ARHGAP32: variants seen among roughly 807,000 people sequenced by gnomAD.
ARHGAP32 encodes the protein rho GTPase-activating protein 32.
ARHGAP32 carries 51 observed loss-of-function variants against 186.5 expected under a neutral mutation model. The observed-to-expected ratio is 0.27, with a 90% CI of 0.22 to 0.35. The LOEUF is 0.35. ARHGAP32 is among the 10% of genes least tolerant of loss of function. The pLI is 1.00. For missense variants in ARHGAP32, 2,186 were observed against 2,623.5 expected, an observed-to-expected ratio of 0.83 and a Z score of 3.64; for synonymous variants, 950 against 964.3, an observed-to-expected ratio of 0.99 and a Z score of 0.27.
rs181861661 is a variant in ARHGAP32, at chr11:129,142,366, G to A, written c.226-17472C>T. ...TAGGATGTCCCAACTCCAGATCTAT[G>A]ACATTAATTACTGAACAGTACAGAC... On this transcript the variant is annotated intron_variant, in intron 2 of 22. Coordinates refer to ENST00000682385, the MANE Select transcript of ARHGAP32 (RefSeq NM_001378024.1). Among the ~76,000 whole-genome samples the A allele has an allele frequency of 2.8e-3, 426 of 152,228 alleles. 5 individuals carry two copies. Among genetic ancestry groups the A allele is most frequent in the African/African-American group, 9.8e-3 (405 of 41,536 alleles).
intron 1 of ARHGAP32, among the ~76,000 whole-genome samples, chr11:129,251,294 G>A (rs1945179373): frequency 6.6e-6 from 1 of 152,098 alleles, no homozygotes; most frequent in African/African-American, 2.4e-5. Context: ...TATGAAATAC[G>A]ATTCTAACTA....
intron 11 of ARHGAP32, among the ~76,000 whole-genome samples, chr11:128,999,090 C>T (rs1044493579): frequency 3.9e-5 from 6 of 152,114 alleles, no homozygotes; most frequent in African/African-American, 9.7e-5. Context: ...CCTGTGGGGC[C>T]GGGCAGAACA....
chr11:129,059,942 A>G (rs924373353), intron 10 of ARHGAP32, among the ~76,000 whole-genome samples: 9 of 152,248 alleles, frequency 5.9e-5, no homozygotes, highest in African/African-American at 2.2e-4. Flanking sequence ...AGACCAATCA[A>G]GATGAAAAAT....
chr11:129,177,573 A>C (rs1943947988), intron 1 of ARHGAP32, among the ~76,000 whole-genome samples: 1 of 152,220 alleles, frequency 6.6e-6, no homozygotes, highest in Non-Finnish European at 1.5e-5. Flanking sequence ...GCAGCACATC[A>C]AAAAGCTTAT....
chr11:128,975,706 T>C (rs1304765371), intron 20 of ARHGAP32, among the ~76,000 whole-genome samples: 1 of 152,144 alleles, frequency 6.6e-6, no homozygotes, highest in African/African-American at 2.4e-5. Flanking sequence ...ATTATTTTAA[T>C]TGCCATAGTT....
At chr11:129,257,761 A>G (rs1417009594) in intron 1 of ARHGAP32, among the ~76,000 whole-genome samples, 1 of 151,480 alleles carries the variant, frequency 6.6e-6, no homozygotes, top group African/African-American at 2.4e-5. Context: ...TTACTTCCTG[A>G]CAAATTTTTT....
At chr11:129,164,474 T>C (rs1943593247) in intron 1 of ARHGAP32, 47 bp from the exon 2 acceptor site, 2 of 1,117,386 alleles carry the variant, frequency 1.8e-6, no homozygotes, top group South Asian at 2.9e-5. Context: ...TCCAATTCTA[T>C]GAAAGCCTTC....
intron 5 of ARHGAP32, among the ~76,000 whole-genome samples, chr11:129,099,101 G>A (rs916262796): frequency 6.6e-6 from 1 of 152,142 alleles, no homozygotes; most frequent in African/African-American, 2.4e-5. Flanking sequence ...AGAAAAATGA[G>A]AGAAGTCCCT....
intron 1 of ARHGAP32, among the ~76,000 whole-genome samples, chr11:129,235,679 T>C (rs1944919664): frequency 6.6e-6 from 1 of 152,072 alleles, no homozygotes; most frequent in African/African-American, 2.4e-5. Context: ...CTGTACCCAA[T>C]GTGTAGACTT....
chr11:129,117,408 T>C (rs1229967503), intron 5 of ARHGAP32, among the ~76,000 whole-genome samples: 1 of 152,032 alleles, frequency 6.6e-6, no homozygotes, highest in South Asian at 2.1e-4. Context: ...TTACTACTTT[T>C]TAAATGAAAC....
At chr11:129,235,726 G>A (rs1346218886) in intron 1 of ARHGAP32, among the ~76,000 whole-genome samples, 1 of 151,976 alleles carries the variant, frequency 6.6e-6, no homozygotes, top group Non-Finnish European at 1.5e-5. Flanking sequence ...CCCGAGTCCT[G>A]AAAGTCCCTC....
intron 1 of ARHGAP32, among the ~76,000 whole-genome samples, chr11:129,275,354 G>A (rs138343268): frequency 5.7e-4 from 87 of 152,166 alleles, no homozygotes; most frequent in African/African-American, 1.6e-3. Context: ...ACCTTCCAAG[G>A]TAGATACTAC....
chr11:129,093,765 T>A (rs1941650705), intron 5 of ARHGAP32, 58 bp from the exon 6 acceptor site: 4 of 1,205,440 alleles, frequency 3.3e-6, no homozygotes, highest in Non-Finnish European at 4.8e-6. Context: ...TAAACGAGAA[T>A]AAACTAAGCA....
chr11:129,224,377 A>G (rs1029113542), intron 1 of ARHGAP32, among the ~76,000 whole-genome samples: 2 of 152,196 alleles, frequency 1.3e-5, no homozygotes, highest in Non-Finnish European at 2.9e-5. Context: ...AGTAACAGCC[A>G]TAAGAATTAC....
At chr11:129,087,695 A>G (rs1033661378) in intron 6 of ARHGAP32, among the ~76,000 whole-genome samples, 5 of 152,220 alleles carry the variant, frequency 3.3e-5, no homozygotes, top group African/African-American at 1.2e-4. Context: ...AACCTATAGA[A>G]TATACACCTC....
chr11:129,052,901 CAAAA>C (rs1348594318), intron 10 of ARHGAP32, among the ~76,000 whole-genome samples: 3 of 151,578 alleles, frequency 2.0e-5, no homozygotes, highest in African/African-American at 7.3e-5. Flanking sequence ...TTTAGAATGA[CAAAA>C]AAGGATTTTA....
chr11:129,047,594 C>T (rs547001780), intron 10 of ARHGAP32, among the ~76,000 whole-genome samples: 1 of 152,160 alleles, frequency 6.6e-6, no homozygotes, highest in East Asian at 1.9e-4. Flanking sequence ...CACTACCATA[C>T]TTGCATGTCT....
intron 1 of ARHGAP32, among the ~76,000 whole-genome samples, chr11:129,225,666 T>C (rs536333342): frequency 6.6e-6 from 1 of 152,254 alleles, no homozygotes; most frequent in African/African-American, 2.4e-5. Context: ...GCCACCCCAC[T>C]ATATTATATA....
At chr11:128,973,660 G>T in intron 21 of ARHGAP32, 1 of 570,890 alleles carries the variant, frequency 1.8e-6, no homozygotes, top group Non-Finnish European at 3.1e-6. Flanking sequence ...TTCTTGAATT[G>T]TTACAGAGAT....
Sources: gnomAD v4.1 joint callset for allele counts (sites outside exome capture counted in the v4.1 genomes callset) on GRCh38, gnomAD v4.1.1 for gene constraint, MANE v1.5 for transcripts, NCBI Gene and HGNC (gene_info 2026-07-23, HGNC 2026-07-21) for gene names.